The following PLCE1 variants were observed in gnomAD, a reference collection of about 807,000 sequenced individuals.
The protein encoded by PLCE1 is phospholipase C epsilon 1, also known as 1-phosphatidylinositol 4,5-bisphosphate phosphodiesterase epsilon-1.
Under a neutral mutation model 242.8 loss-of-function variants are expected in PLCE1, and 119 were observed. The observed-to-expected ratio is 0.49, with a 90% CI of 0.42 to 0.57. PLCE1 has a LOEUF of 0.57. Among genes scored for constraint, PLCE1 ranks in the 20% least tolerant of loss-of-function variants. PLCE1 has a pLI of 0.00. For missense variants in PLCE1, 2,441 were observed against 2,788.8 expected, an observed-to-expected ratio of 0.88 and a Z score of 2.81; for synonymous variants, 945 against 1,017.4, an observed-to-expected ratio of 0.93 and a Z score of 1.35.
intron 4 of PLCE1, among the ~76,000 whole-genome samples, chr10:94,188,998 T>TAAAAAAAAAAAAAAAAAAAAAAAAAAA (rs904632569): frequency 1.4e-5 from 1 of 73,824 alleles, no homozygotes; most frequent in African/African-American, 4.2e-5. Context: ...TAGGAGAAAG[T>TAAAAAAAAAAAAAAAAAAAAAAAAAAA]AAAAAAAAAA....
intron 1 of PLCE1, among the ~76,000 whole-genome samples, chr10:93,997,074 C>A (rs1323456724): frequency 6.6e-6 from 1 of 152,146 alleles, no homozygotes; most frequent in African/African-American, 2.4e-5. Context: ...TGCCAGGCAC[C>A]ACTCCAAGAA....
chr10:94,044,832 A>G (rs1202142920), intron 2 of PLCE1, among the ~76,000 whole-genome samples: 2 of 152,134 alleles, frequency 1.3e-5, no homozygotes, highest in East Asian at 3.8e-4. Context: ...TCTTGGATTC[A>G]TACATTATAT....
intron 2 of PLCE1, among the ~76,000 whole-genome samples, chr10:94,116,524 A>G (rs1301843753): frequency 1.3e-5 from 2 of 152,058 alleles, no homozygotes; most frequent in African/African-American, 4.8e-5. Flanking sequence ...GTGAAACCCC[A>G]TCTCTACTAA....
At chr10:94,070,403 A>C (rs886673764) in intron 2 of PLCE1, among the ~76,000 whole-genome samples, 1 of 152,160 alleles carries the variant, frequency 6.6e-6, no homozygotes, top group South Asian at 2.1e-4. Context: ...AATATCTGCT[A>C]TTCCACTCAC....
At chr10:94,238,193 G>C (rs1368318462) in intron 7 of PLCE1, among the ~76,000 whole-genome samples, 1 of 152,234 alleles carries the variant, frequency 6.6e-6, no homozygotes, top group Non-Finnish European at 1.5e-5. Context: ...GGCCAAGGCA[G>C]GTAGATCACT....
chr10:94,169,545 G>A (rs1383141801), intron 3 of PLCE1, among the ~76,000 whole-genome samples: 1 of 152,098 alleles, frequency 6.6e-6, no homozygotes, highest in Non-Finnish European at 1.5e-5. Context: ...CTGAATTGAA[G>A]GAGTTTCTGA....
chr10:94,263,607 G>A (rs1430406922), intron 14 of PLCE1, among the ~76,000 whole-genome samples: 2 of 151,570 alleles, frequency 1.3e-5, no homozygotes, highest in African/African-American at 4.8e-5. Context: ...CACGAGAATC[G>A]CTTGAGCCCA....
chr10:94,309,581 C>T (rs1410486130), intron 27 of PLCE1, among the ~76,000 whole-genome samples: 1 of 152,046 alleles, frequency 6.6e-6, no homozygotes, highest in African/African-American at 2.4e-5. Flanking sequence ...ATGCCTTGGC[C>T]TCCCAAGGTG....
chr10:94,283,540 T>C (rs913973598), intron 20 of PLCE1: 1 of 377,630 alleles, frequency 2.6e-6, no homozygotes, highest in African/African-American at 2.1e-5. Context: ...CAGATTATTT[T>C]GAATCATTTA....
intron 20 of PLCE1, 189 bp from the exon 21 acceptor site, chr10:94,283,601 G>A (rs1294555447): frequency 2.0e-6 from 1 of 510,152 alleles, no homozygotes; most frequent in Non-Finnish European, 3.7e-6. Flanking sequence ...CAATTAAATT[G>A]AAAATAACTG....
At chr10:94,215,787 G>T (rs901967318) in intron 4 of PLCE1, among the ~76,000 whole-genome samples, 5 of 152,172 alleles carry the variant, frequency 3.3e-5, no homozygotes, top group African/African-American at 1.2e-4. Flanking sequence ...GCAAGGCATG[G>T]TAGCACACAC....
chr10:94,173,284 G>A lies in PLCE1; in HGVS notation c.1809+1788G>A, dbSNP rs529342988. On this transcript the variant is annotated intron_variant, in intron 4 of 32. Transcript: ENST00000371380. The stretch of plus-strand genomic sequence containing the variant: ...GTGCCTGCTAAAACTGCAGATTCCT[G>A]GTCCCACCCCCAAACTGAGTAAGAC... Among the ~76,000 whole-genome samples the A allele has an allele frequency of 3.6e-4, 55 of 152,224 alleles. 1 individual carries two copies. Among genetic ancestry groups the A allele is most frequent in the Non-Finnish European group, 6.5e-4 (44 of 68,020 alleles).
Position 94,159,070 on chromosome 10 carries a change from T to TA in PLCE1, c.1493-12109dup, listed in dbSNP as rs933766170. On this transcript the variant is annotated intron_variant, in intron 3 of 32. Transcript: ENST00000371380. ...GAACTGGAGCAAAAGTTGTTTTTTT[T>TA]ATTAATGGAGATTCTGTCAACTTTT... 2.8e-4 allele frequency among the ~76,000 whole-genome samples: 42 copies of TA among 152,216 alleles called. 1 individual carries two copies. Among genetic ancestry groups the TA allele is most frequent in the African/African-American group, 9.6e-4 (40 of 41,560 alleles).
intron 2 of PLCE1, among the ~76,000 whole-genome samples, chr10:94,059,903 C>T (rs1016718597): frequency 6.6e-6 from 1 of 152,170 alleles, no homozygotes; most frequent in African/African-American, 2.4e-5. Flanking sequence ...TCCTTGGTGG[C>T]TTCTGTTTGT....
At chr10:94,114,438 C>T (rs2135686908) in intron 2 of PLCE1, among the ~76,000 whole-genome samples, 1 of 152,286 alleles carries the variant, frequency 6.6e-6, no homozygotes, top group South Asian at 2.1e-4. Flanking sequence ...CACTTCAGAG[C>T]CAGCAACTTT....
At chr10:94,048,545 T>C (rs1329736111) in intron 2 of PLCE1, among the ~76,000 whole-genome samples, 1 of 151,776 alleles carries the variant, frequency 6.6e-6, no homozygotes, top group African/African-American at 2.4e-5. Flanking sequence ...ATGTTTACCA[T>C]ATTTTTGTGT....
At chr10:94,205,486 C>T (rs944471962) in intron 4 of PLCE1, among the ~76,000 whole-genome samples, 6 of 152,234 alleles carry the variant, frequency 3.9e-5, no homozygotes, top group African/African-American at 1.4e-4. Context: ...AGCCATGGGG[C>T]AGCCCTGTCA....
At chr10:94,189,914 G>A (rs1406204470) in intron 4 of PLCE1, among the ~76,000 whole-genome samples, 1 of 152,172 alleles carries the variant, frequency 6.6e-6, no homozygotes, top group Non-Finnish European at 1.5e-5. Context: ...TATTAGCAGT[G>A]TATTTGGCCA....
intron 3 of PLCE1, among the ~76,000 whole-genome samples, chr10:94,143,170 A>C (rs1316114791): frequency 6.6e-6 from 1 of 152,210 alleles, no homozygotes; most frequent in Non-Finnish European, 1.5e-5. Context: ...TAACCAGGGA[A>C]AACAAGCCCT....
Sources: gnomAD v4.1 joint callset for allele counts (sites outside exome capture counted in the v4.1 genomes callset) on GRCh38, gnomAD v4.1.1 for gene constraint, MANE v1.5 for transcripts, NCBI Gene and HGNC (gene_info 2026-07-23, HGNC 2026-07-21) for gene names.